Variants in WASHC4 observed in about 807,000 individuals in gnomAD.
WASHC4 encodes WASH complex subunit 4.
Under a neutral mutation model 166.6 loss-of-function variants are expected in WASHC4, and 86 were observed. The observed-to-expected ratio is 0.52, with a 90% confidence interval of 0.43 to 0.62. The LOEUF is 0.62. Ranked by LOEUF, WASHC4 falls within the 20% of genes least tolerant of loss-of-function variation. The probability of loss-of-function intolerance (pLI) is 0.00; values close to 1 mark genes in which losing one functional copy is unlikely to be tolerated. For missense variants in WASHC4, 1,262 were observed against 1,382.4 expected, an observed-to-expected ratio of 0.91 and a Z score of 1.38; for synonymous variants, 446 against 451.6, an observed-to-expected ratio of 0.99 and a Z score of 0.16.
intron 5 of WASHC4, 35 bp from the exon 6 acceptor site, chr12:105,115,626 A>G: frequency 6.5e-7 from 1 of 1,528,236 alleles, no homozygotes; most frequent in African/African-American, 1.4e-5. Context: ...TAAATTTAAA[A>G]AATGAAATAT....
chr12:105,112,337 T>C (rs1879774910), intron 2 of WASHC4, among the ~76,000 whole-genome samples: 2 of 152,218 alleles, frequency 1.3e-5, no homozygotes, highest in African/African-American at 4.8e-5. Flanking sequence ...ACTATTTGGC[T>C]GCTATGAGCA....
Position 105,147,072 on chromosome 12 carries a change from C to A in WASHC4, c.2440C>A (p.His814Asn). ...TATTGAACGAACAAGCAATAACAAG[C>A]ATTTGAATACTATTAATATTCGGCA... Reference protein sequence around the residue: ...IFIERTSNNKHLNTINIRHIA... With the variant: ...IFIERTSNNKNLNTINIRHIA... The change falls in exon 24 of 33, where the codon CAT becomes AAT. Residue 814 changes from histidine (H) to asparagine (N), a missense_variant. Physicochemically the swap from His to Asn is moderately conservative, Grantham distance 68. Transcript: ENST00000332180. 22 of 1,609,430 alleles carry A rather than the reference C, an allele frequency of 1.4e-5. No homozygotes were observed. Among genetic ancestry groups the A allele is most frequent in the Non-Finnish European group, 1.9e-5 (22 of 1,175,806 alleles).
Position 105,137,941 on chromosome 12 carries a change from A to G in WASHC4, c.1382A>G (p.Tyr461Cys). The G allele has an allele frequency of 6.2e-7, 1 of 1,612,360 alleles. No homozygotes were observed. The highest frequency in any genetic ancestry group is 8.5e-7 in the Non-Finnish European group (1 of 1,178,592). The change falls in exon 15 of 33, where the codon TAC becomes TGC. Residue 461 changes from tyrosine (Y) to cysteine (C), a missense_variant. Physicochemically the swap from Tyr to Cys is radical, Grantham distance 194 (BLOSUM62 -2). Transcript: ENST00000332180. ...ATTATTAAAACCACAATGAATCTCT[A>G]CATGTCCATGCAAAAGCCAATGACC... ...STIIKTTMNL[Y>C]MSMQKPMTKT...
chr12:105,159,237 A>G (rs1182333543), intron 28 of WASHC4, among the ~76,000 whole-genome samples: 2 of 152,226 alleles, frequency 1.3e-5, no homozygotes, highest in Non-Finnish European at 2.9e-5. Flanking sequence ...GAAATCAGAG[A>G]GTAGGATATT....
intron 13 of WASHC4, among the ~76,000 whole-genome samples, chr12:105,128,225 A>G (rs1266506685): frequency 6.6e-6 from 1 of 152,202 alleles, no homozygotes; most frequent in African/African-American, 2.4e-5. Context: ...TAAAGTGGAA[A>G]ACTACAACAG....
At chr12:105,151,168 A>AG (rs1478592292) in intron 25 of WASHC4, among the ~76,000 whole-genome samples, 1 of 150,834 alleles carries the variant, frequency 6.6e-6, no homozygotes, top group East Asian at 1.9e-4. Flanking sequence ...AAAAAAAAAA[A>AG]AAGAACGCCG....
At chr12:105,155,943 A>C (rs930925801) in intron 26 of WASHC4, among the ~76,000 whole-genome samples, 1 of 152,202 alleles carries the variant, frequency 6.6e-6, no homozygotes, top group Non-Finnish European at 1.5e-5. Context: ...AGGATGCTAA[A>C]GGTGAAAGTA....
intron 7 of WASHC4, among the ~76,000 whole-genome samples, chr12:105,120,045 A>G (rs897124254): frequency 3.3e-5 from 5 of 152,230 alleles, no homozygotes; most frequent in Non-Finnish European, 7.3e-5. Flanking sequence ...CTGCCTGGGC[A>G]ATATAGCGAG....
chr12:105,140,949 C>T lies in WASHC4; in HGVS notation c.1611C>T (p.Leu537=). The change falls in exon 17 of 33, where the codon CTC becomes CTT. Residue 537 remains leucine (L), a synonymous_variant. Coordinates refer to ENST00000332180, the MANE Select transcript of WASHC4 (RefSeq NM_015275.3). ...ACAGCGAACAGCGTCTTGATGTGCT[C>T]TCTGCTCTAGTTTTGGCTGAAAACA... ...KKYSEQRLDV[L]SALVLAENTL... 6.2e-7 allele frequency: 1 copy of T among 1,614,060 alleles called. No homozygotes were observed. The highest frequency in any genetic ancestry group is 8.5e-7 in the Non-Finnish European group (1 of 1,179,974).
At chr12:105,144,602 C>T in intron 21 of WASHC4, 116 bp from the exon 22 acceptor site, 5 of 1,145,692 alleles carry the variant, frequency 4.4e-6, no homozygotes, top group Non-Finnish European at 6.2e-6. Flanking sequence ...TTTATTAATA[C>T]CTTATTTTAA....
intron 13 of WASHC4, 23 bp downstream of exon 13, chr12:105,127,312 A>G (rs1396375937): frequency 6.7e-7 from 1 of 1,484,624 alleles, no homozygotes; most frequent in East Asian, 2.3e-5. Flanking sequence ...AACAAGTATA[A>G]TGAAAATATT....
intron 2 of WASHC4, among the ~76,000 whole-genome samples, chr12:105,111,841 TACACACTGTCCTAAGTC>T (rs943457493): frequency 1.3e-5 from 2 of 152,206 alleles, no homozygotes; most frequent in Non-Finnish European, 2.9e-5. Flanking sequence ...ACTTGTGTAT[TACACACTGTCCTAAGTC>T]ACACACTGAC....
intron 7 of WASHC4, among the ~76,000 whole-genome samples, chr12:105,119,817 G>T (rs1481704587): frequency 6.6e-6 from 1 of 152,230 alleles, no homozygotes; most frequent in Admixed American, 6.5e-5. Context: ...AGCAAAATGA[G>T]TAGGAGGTAG....
rs1883565948 is a variant in WASHC4 at position 105,149,509 on chromosome 12, A to G, written c.2515-106A>G. 7 of 1,042,644 alleles carry G rather than the reference A, an allele frequency of 6.7e-6. No individual in the cohort carries two copies. The South Asian group carries it at 9.8e-5, about 15-fold the overall frequency. The allele number at this position is 1,042,644 out of a possible 1,614,324, so 64.6% of individuals were successfully genotyped here. ...AAATAGACTTTTTAAATAGTACTTTATAGGTAGTACAAATAGATAACTGTG... is the reference window on the plus strand; with the variant it reads ...AAATAGACTTTTTAAATAGTACTTTGTAGGTAGTACAAATAGATAACTGTG... On this transcript the variant is annotated intron_variant, in intron 24 of 32. Coordinates refer to ENST00000332180, the MANE Select transcript of WASHC4 (RefSeq NM_015275.3).
chr12:105,150,092 A>T (rs1337044113), intron 25 of WASHC4, among the ~76,000 whole-genome samples: 1 of 152,160 alleles, frequency 6.6e-6, no homozygotes, highest in Non-Finnish European at 1.5e-5. Context: ...TGGCTTTCAG[A>T]TATCTTTGTA....
chr12:105,163,148 C>T (rs540495052), intron 30 of WASHC4, among the ~76,000 whole-genome samples: 40 of 151,802 alleles, frequency 2.6e-4, no homozygotes, highest in African/African-American at 9.4e-4. Flanking sequence ...TTAGTAGAGA[C>T]GGGGTTTCAC....
At chr12:105,165,370 C>G (rs1884745679) in intron 32 of WASHC4, among the ~76,000 whole-genome samples, 1 of 152,174 alleles carries the variant, frequency 6.6e-6, no homozygotes, top group African/African-American at 2.4e-5. Flanking sequence ...TATTTAATGT[C>G]CCCATGATAT....
intron 25 of WASHC4, among the ~76,000 whole-genome samples, chr12:105,150,490 G>A (rs1000885959): frequency 1.3e-5 from 2 of 152,234 alleles, no homozygotes; most frequent in Non-Finnish European, 2.9e-5. Flanking sequence ...TAATTTATAC[G>A]AATGCTGCTG....
At chr12:105,115,517 C>A in intron 5 of WASHC4, 144 bp from the exon 6 acceptor site, 2 of 671,280 alleles carry the variant, frequency 3.0e-6, no homozygotes, top group Non-Finnish European at 5.3e-6. Context: ...TCTGATTTTT[C>A]TCTTTGGTGT....
Sources: allele counts gnomAD v4.1 joint callset (sites outside exome capture counted in the v4.1 genomes callset), GRCh38; gene constraint gnomAD v4.1.1; transcripts MANE v1.5; gene names NCBI Gene and HGNC (gene_info 2026-07-23, HGNC 2026-07-21).